Variants in TANC1 observed in about 807,000 individuals in gnomAD.
The protein encoded by TANC1 is protein TANC1.
Under a neutral mutation model 149.7 loss-of-function variants are expected in TANC1, and 77 were observed. That is an observed-to-expected ratio of 0.51 (90% CI 0.43 to 0.62). The LOEUF (loss-of-function observed/expected upper bound fraction) is 0.62. Ranked by LOEUF, TANC1 falls within the 20% of genes least tolerant of loss-of-function variation. The probability of loss-of-function intolerance (pLI) is 0.00; values close to 1 mark genes in which losing one functional copy is unlikely to be tolerated. For synonymous variants in TANC1, 854 were observed against 925.0 expected, an observed-to-expected ratio of 0.92 and a Z score of 1.39; for missense variants, 1,985 against 2,321.8, an observed-to-expected ratio of 0.85 and a Z score of 2.98.
chr2:159,088,723 T>A (rs762696197), intron 3 of TANC1, among the ~76,000 whole-genome samples: 9 of 152,184 alleles, frequency 5.9e-5, no homozygotes, highest in Admixed American at 5.2e-4. Context: ...CTATCATTAG[T>A]GTATTTTACG....
intron 2 of TANC1, among the ~76,000 whole-genome samples, chr2:159,035,144 T>C (rs1559155004): frequency 6.6e-6 from 1 of 152,224 alleles, no homozygotes; most frequent in African/African-American, 2.4e-5. Flanking sequence ...ATTTGAAGTG[T>C]GTCTGTTCAT....
chr2:159,006,537 A>G (rs2037198004), intron 2 of TANC1, among the ~76,000 whole-genome samples: 1 of 152,218 alleles, frequency 6.6e-6, no homozygotes, highest in Non-Finnish European at 1.5e-5. Flanking sequence ...TAAATTTATA[A>G]TTACACATTG....
rs1239679279 is a variant in TANC1 at position 159,014,920 on chromosome 2, G to T, written c.-16+13731G>T. Among the ~76,000 whole-genome samples, 3 of 152,206 alleles carry T rather than the reference G, an allele frequency of 2.0e-5. No homozygotes were observed. In the East Asian group the frequency reaches 5.8e-4, roughly 29 times the overall value. On this transcript the variant is annotated intron_variant, in intron 2 of 26. Coordinates refer to ENST00000263635, the MANE Select transcript of TANC1 (RefSeq NM_033394.3). The stretch of plus-strand genomic sequence containing the variant: ...GCAGGGTACAGCCTCCTTCCTGGCT[G>T]CATTCACAGGCTGGCATGAGTGTCT...
At chr2:159,015,107 G>A (rs1481171432) in intron 2 of TANC1, among the ~76,000 whole-genome samples, 1 of 152,248 alleles carries the variant, frequency 6.6e-6, no homozygotes, top group Admixed American at 6.5e-5. Flanking sequence ...CTGTAGCAGA[G>A]GTTCTCCGTG....
At chr2:159,101,910 A>T (rs1226054028) in intron 4 of TANC1, among the ~76,000 whole-genome samples, 1 of 152,182 alleles carries the variant, frequency 6.6e-6, no homozygotes, top group Non-Finnish European at 1.5e-5. Flanking sequence ...TACTCCTTGT[A>T]TGGAGACACT....
intron 4 of TANC1, among the ~76,000 whole-genome samples, chr2:159,106,157 A>G (rs952946995): frequency 1.3e-5 from 2 of 152,176 alleles, no homozygotes; most frequent in African/African-American, 4.8e-5. Context: ...TCACCCATTT[A>G]AAGTTTACAG....
intron 4 of TANC1, among the ~76,000 whole-genome samples, chr2:159,119,665 G>A (rs1301402095): frequency 2.6e-5 from 4 of 152,130 alleles, no homozygotes; most frequent in Non-Finnish European, 4.4e-5. Context: ...AGTCAGATGC[G>A]GTAGCTGAGA....
At chr2:158,982,541 TC>T (rs1381743398) in intron 1 of TANC1, among the ~76,000 whole-genome samples, 1 of 152,258 alleles carries the variant, frequency 6.6e-6, no homozygotes, top group Non-Finnish European at 1.5e-5. Flanking sequence ...ATCAGAGCTA[TC>T]AAAACCAGAT....
chr2:159,132,746 G>A (rs776182573), intron 4 of TANC1, among the ~76,000 whole-genome samples: 4 of 150,038 alleles, frequency 2.7e-5, no homozygotes, highest in African/African-American at 4.9e-5. Context: ...CACCCACCTC[G>A]GCCTCCCAAA....
chr2:159,147,024 T>TGTG (rs2052203643), intron 5 of TANC1, among the ~76,000 whole-genome samples: 2 of 151,972 alleles, frequency 1.3e-5, no homozygotes, highest in African/African-American at 4.8e-5. Context: ...GGTGTTGCGG[T>TGTG]CCCCCTGCTG....
intron 3 of TANC1, among the ~76,000 whole-genome samples, chr2:159,084,800 C>A (rs966142255): frequency 6.6e-6 from 1 of 152,180 alleles, no homozygotes; most frequent in South Asian, 2.1e-4. Context: ...AGCAATGCTC[C>A]ATGCTCAGTA....
chr2:159,077,014 CT>C (rs1263630050), intron 3 of TANC1, among the ~76,000 whole-genome samples: 1 of 123,556 alleles, frequency 8.1e-6, no homozygotes, highest in Non-Finnish European at 1.8e-5. Context: ...ATTTTTTTTT[CT>C]TTTCCTAGAA....
chr2:159,195,720 A>G (rs1380840650), intron 17 of TANC1, among the ~76,000 whole-genome samples: 2 of 152,152 alleles, frequency 1.3e-5, no homozygotes, highest in East Asian at 1.9e-4. Context: ...GCTGCACATC[A>G]CCGCACCTCC....
chr2:159,069,657 G>A (rs1339766407), intron 3 of TANC1, among the ~76,000 whole-genome samples: 2 of 151,328 alleles, frequency 1.3e-5, no homozygotes, highest in Non-Finnish European at 2.9e-5. Flanking sequence ...CACACTGGAA[G>A]TTAGTATCTT....
At chr2:159,188,749 G>C (rs1046922157) in intron 16 of TANC1, among the ~76,000 whole-genome samples, 5 of 152,250 alleles carry the variant, frequency 3.3e-5, no homozygotes, top group African/African-American at 1.2e-4. Context: ...CCCTGGCCAA[G>C]CCTCTTCTGG....
intron 14 of TANC1, among the ~76,000 whole-genome samples, chr2:159,181,834 T>C (rs1350173434): frequency 6.6e-6 from 1 of 152,220 alleles, no homozygotes; most frequent in Non-Finnish European, 1.5e-5. Flanking sequence ...CCTCTCTTCT[T>C]TCCTTTCTTC....
chr2:159,181,475 T>A (rs930455044), intron 14 of TANC1, among the ~76,000 whole-genome samples: 2 of 152,148 alleles, frequency 1.3e-5, no homozygotes, highest in Admixed American at 1.3e-4. Flanking sequence ...CTTTTTGTAT[T>A]TTTAGTAGAG....
chr2:158,980,668 A>G (rs942672527), intron 1 of TANC1, among the ~76,000 whole-genome samples: 5 of 151,710 alleles, frequency 3.3e-5, no homozygotes, highest in Non-Finnish European at 7.4e-5. Flanking sequence ...CCAGCTACTC[A>G]GGAGGCTGAG....
At chr2:159,048,475 A>G (rs1040007269) in intron 2 of TANC1, among the ~76,000 whole-genome samples, 1 of 152,118 alleles carries the variant, frequency 6.6e-6, no homozygotes, top group Admixed American at 6.5e-5. Context: ...GAGGAAATGG[A>G]ATGCCGTACA....
Sources: gnomAD v4.1 joint callset for allele counts (sites outside exome capture counted in the v4.1 genomes callset) on GRCh38, gnomAD v4.1.1 for gene constraint, MANE v1.5 for transcripts, NCBI Gene and HGNC (gene_info 2026-07-23, HGNC 2026-07-21) for gene names.